The following VEGFC variants were observed in gnomAD, a reference collection of about 807,000 sequenced individuals.
VEGFC encodes the protein vascular endothelial growth factor C.
Under a neutral mutation model 46.1 loss-of-function variants are expected in VEGFC, and 12 were observed. The observed-to-expected ratio is 0.26, with a 90% CI of 0.17 to 0.42. VEGFC has a LOEUF of 0.42. Among genes scored for constraint, VEGFC ranks in the 10% least tolerant of loss-of-function variants. The probability of loss-of-function intolerance (pLI) is 1.00; values close to 1 mark genes in which losing one functional copy is unlikely to be tolerated. For synonymous variants in VEGFC, 232 were observed against 195.5 expected, an observed-to-expected ratio of 1.19 and a Z score of -1.56; for missense variants, 488 against 529.4, an observed-to-expected ratio of 0.92 and a Z score of 0.77.
At chr4:176,723,819 CTTTTATTTTAGGTTTGGGG>C (rs1734830626) in intron 3 of VEGFC, among the ~76,000 whole-genome samples, 4 of 128,792 alleles carry the variant, frequency 3.1e-5, no homozygotes, top group African/African-American at 1.2e-4. Flanking sequence ...GTGACATAAA[CTTTTATTTTAGGTTTGGGG>C]TTTTATTTTA....
At chr4:176,722,207 T>C (rs1423436370) in intron 3 of VEGFC, among the ~76,000 whole-genome samples, 3 of 151,974 alleles carry the variant, frequency 2.0e-5, no homozygotes, top group Non-Finnish European at 4.4e-5. Context: ...CAAGTCCTGA[T>C]TTTTCACACA....
At position 176,774,017 on chromosome 4, in the gene VEGFC, T is replaced by C. The variant is rs1735766048; in HGVS notation, c.147+18148A>G. On this transcript the variant is annotated intron_variant, in intron 1 of 6. Transcript: ENST00000618562. ...GAGTTATTAAACTCAACAATGCTCA[T>C]CTTTAGAAGTCCAGAAAATTCACTT... Among the ~76,000 whole-genome samples the C allele has an allele frequency of 2.0e-5, 3 of 152,146 alleles. No homozygotes were observed. In the East Asian group the frequency reaches 5.8e-4, roughly 29 times the overall value.
chr4:176,775,529 G>A (rs944390423), intron 1 of VEGFC, among the ~76,000 whole-genome samples: 2 of 152,146 alleles, frequency 1.3e-5, no homozygotes, highest in Admixed American at 1.3e-4. Flanking sequence ...AGTTAAAACA[G>A]TTCATGTGAC....
chr4:176,787,079 G>T (rs1228221158), intron 1 of VEGFC, among the ~76,000 whole-genome samples: 1 of 152,146 alleles, frequency 6.6e-6, no homozygotes, highest in Non-Finnish European at 1.5e-5. Context: ...TCCCAGTGAA[G>T]ATTAGAAATA....
At chr4:176,777,185 C>T (rs557963423) in intron 1 of VEGFC, among the ~76,000 whole-genome samples, 19 of 152,120 alleles carry the variant, frequency 1.2e-4, no homozygotes, top group Admixed American at 1.1e-3. Flanking sequence ...GGCGTGGTGG[C>T]GGGCGCCTGT....
Position 176,712,097 on chromosome 4 carries a change from C to T in VEGFC, c.553-447G>A, listed in dbSNP as rs898721779. ...ACAACCCAGAAATACTTGGTTATGA[C>T]CTACTTTAAATAAACTGAATACATA... On this transcript the variant is annotated intron_variant, in intron 3 of 6. Coordinates refer to ENST00000618562, the MANE Select transcript of VEGFC (RefSeq NM_005429.5). Among the ~76,000 whole-genome samples, 6 of 152,018 alleles carry T rather than the reference C, an allele frequency of 3.9e-5. No homozygotes were observed. In the South Asian group the frequency reaches 1.2e-3, roughly 32 times the overall value.
At chr4:176,694,049 G>C (rs963959070) in intron 4 of VEGFC, among the ~76,000 whole-genome samples, 2 of 151,254 alleles carry the variant, frequency 1.3e-5, no homozygotes, top group Admixed American at 1.3e-4. Context: ...AGACCATCGA[G>C]ACTAGGAAGA....
intron 3 of VEGFC, among the ~76,000 whole-genome samples, chr4:176,719,053 T>C (rs1734739492): frequency 6.6e-6 from 1 of 152,228 alleles, no homozygotes; most frequent in Admixed American, 6.5e-5. Flanking sequence ...AAGCAGTTTT[T>C]ATCCATTAGT....
chr4:176,722,194 G>A (rs143148064), intron 3 of VEGFC, among the ~76,000 whole-genome samples: 1 of 152,030 alleles, frequency 6.6e-6, no homozygotes, highest in Non-Finnish European at 1.5e-5. Flanking sequence ...GAAATTTCAT[G>A]GGCAAGTCCT....
At chr4:176,713,604 T>C (rs1734652686) in intron 3 of VEGFC, among the ~76,000 whole-genome samples, 1 of 151,850 alleles carries the variant, frequency 6.6e-6, no homozygotes, top group Non-Finnish European at 1.5e-5. Flanking sequence ...GTGTCTAGAG[T>C]TTAGGAGAGC....
At chr4:176,749,005 T>C (rs1560954646) in intron 1 of VEGFC, among the ~76,000 whole-genome samples, 1 of 152,016 alleles carries the variant, frequency 6.6e-6, no homozygotes, top group East Asian at 1.9e-4. Context: ...GGTCATATTA[T>C]TCTTGAAAGA....
intron 4 of VEGFC, among the ~76,000 whole-genome samples, chr4:176,699,662 T>C (rs1280364436): frequency 1.3e-5 from 2 of 152,236 alleles, no homozygotes; most frequent in African/African-American, 4.8e-5. Context: ...GACGCTTGTA[T>C]ACACTTGACT....
intron 1 of VEGFC, among the ~76,000 whole-genome samples, chr4:176,748,668 C>T (rs1735295045): frequency 6.6e-6 from 1 of 151,724 alleles, no homozygotes; most frequent in African/African-American, 2.4e-5. Flanking sequence ...CAGAATAAAC[C>T]CCTATTTCTG....
chr4:176,777,415 C>A (rs186894370), intron 1 of VEGFC, among the ~76,000 whole-genome samples: 1 of 152,288 alleles, frequency 6.6e-6, no homozygotes, highest in African/African-American at 2.4e-5. Context: ...TATTCATATA[C>A]CATAACAAAT....
chr4:176,738,548 A>T (rs1416442376), intron 1 of VEGFC, among the ~76,000 whole-genome samples: 1 of 152,114 alleles, frequency 6.6e-6, no homozygotes, highest in Non-Finnish European at 1.5e-5. Context: ...TGCAAAAATT[A>T]ACTCAAGATG....
intron 1 of VEGFC, among the ~76,000 whole-genome samples, chr4:176,760,448 C>T (rs978850433): frequency 1.3e-5 from 2 of 152,160 alleles, no homozygotes; most frequent in African/African-American, 4.8e-5. Context: ...TTTAATCTGA[C>T]TCAAGCCTCG....
chr4:176,720,017 C>T (rs1734757579), intron 3 of VEGFC, among the ~76,000 whole-genome samples: 1 of 151,998 alleles, frequency 6.6e-6, no homozygotes, highest in East Asian at 1.9e-4. Flanking sequence ...CAAGATCACA[C>T]CATTGCACTC....
intron 4 of VEGFC, among the ~76,000 whole-genome samples, chr4:176,700,413 G>GAA (rs34323890): frequency 7.2e-6 from 1 of 139,658 alleles, no homozygotes; most frequent in African/African-American, 2.6e-5. Flanking sequence ...TGAGACTCTC[G>GAA]AAAAAAAAAA....
chr4:176,767,426 T>C (rs530154385), intron 1 of VEGFC, among the ~76,000 whole-genome samples: 1 of 152,334 alleles, frequency 6.6e-6, no homozygotes, highest in African/African-American at 2.4e-5. Context: ...CTCACCATAG[T>C]GAGAGAAGTG....
Sources: allele counts gnomAD v4.1 joint callset (sites outside exome capture counted in the v4.1 genomes callset), GRCh38; gene constraint gnomAD v4.1.1; transcripts MANE v1.5; gene names NCBI Gene and HGNC (gene_info 2026-07-23, HGNC 2026-07-21).